Variants in MYO1B observed in about 807,000 individuals in gnomAD.
MYO1B encodes the protein myosin IB.
MYO1B carries 72 observed loss-of-function variants against 159.7 expected under a neutral mutation model. That is an observed-to-expected ratio of 0.45 (90% CI 0.37 to 0.55). MYO1B has a LOEUF of 0.55. Among genes scored for constraint, MYO1B ranks in the 20% least tolerant of loss-of-function variants. MYO1B has a pLI of 0.00. For missense variants in MYO1B, 1,062 were observed against 1,364.8 expected (o/e 0.78, Z 3.50); for synonymous variants, 468 against 473.8 (o/e 0.99, Z 0.16).
At chr2:191,302,292 A>G (rs10193129) in intron 3 of MYO1B, among the ~76,000 whole-genome samples, 13,442 of 151,912 alleles carry the variant, frequency 0.088, 1,934 homozygotes, top group African/African-American at 0.31. Flanking sequence ...TAGGTTAGAA[A>G]CTTTATCCTG....
chr2:191,383,200 A>G, intron 14 of MYO1B, 80 bp from the exon 15 acceptor site: 1 of 794,454 alleles, frequency 1.3e-6, no homozygotes, highest in Non-Finnish European at 2.0e-6. Context: ...ATATGATAAG[A>G]TGGTCAAAGT....
chr2:191,329,947 G>C lies in MYO1B; in HGVS notation c.264G>C (p.Ser88=). 1 of 1,609,816 alleles carries C rather than the reference G, an allele frequency of 6.2e-7. No individual in the cohort carries two copies. The highest frequency in any genetic ancestry group is 8.5e-7 in the Non-Finnish European group (1 of 1,177,690). ...TTATCCCCTGCAGCTTTGCCCTTTC[G>C]GATGAAGCATACAGATCCCTACGAG... The part of the protein sequence containing the change: ...YELSPHIFAL[S]DEAYRSLRDQ... The change falls in exon 4 of 31, where the codon TCG becomes TCC. Residue 88 remains serine (S), a synonymous_variant. Transcript: ENST00000392318.
chr2:191,408,188 T>C lies in MYO1B; in HGVS notation c.2630T>C (p.Ile877Thr). 6.2e-7 allele frequency: 1 copy of C among 1,608,930 alleles called. No homozygotes were observed. The highest frequency in any genetic ancestry group is 8.5e-7 in the Non-Finnish European group (1 of 1,175,472). Residue 877 changes from isoleucine to threonine, a missense_variant and splice_region_variant, in exon 25 of 31, where the codon ATT (isoleucine) becomes ACT (threonine). By Grantham distance (89) the Ile-to-Thr change is moderately conservative. Around this residue, in one of 5 missense-constraint regions of MYO1B, gnomAD observed 609 missense variants for 744.4 expected, o/e 0.82. Coordinates refer to ENST00000392318, the MANE Select transcript of MYO1B (RefSeq NM_001130158.3). ...ATCTATGAGTTTACGCTTCAGAGAA[T>C]TGTAAGTTGACACTTTATATCTGTG... ...KKIYEFTLQR[I>T]VQKYFLEMKN... is the part of the protein sequence containing the mutation.
intron 5 of MYO1B, among the ~76,000 whole-genome samples, chr2:191,344,571 C>A (rs1163484705): frequency 6.6e-6 from 1 of 152,094 alleles, no homozygotes; most frequent in African/African-American, 2.4e-5. Context: ...TGGCTCACGC[C>A]TGTAATCCCA....
chr2:191,322,311 T>C (rs1217969511), intron 3 of MYO1B, among the ~76,000 whole-genome samples: 2 of 152,156 alleles, frequency 1.3e-5, no homozygotes, highest in Admixed American at 1.3e-4. Flanking sequence ...TTCTCTCTGC[T>C]TTTATATCTT....
intron 3 of MYO1B, among the ~76,000 whole-genome samples, chr2:191,313,850 AAG>A (rs1035056671): frequency 6.6e-6 from 1 of 152,196 alleles, no homozygotes; most frequent in African/African-American, 2.4e-5. Context: ...GTGGAAGGTG[AAG>A]AGAGAGCATG....
At chr2:191,417,942 AG>A (rs1415607478) in intron 30 of MYO1B, among the ~76,000 whole-genome samples, 1 of 152,188 alleles carries the variant, frequency 6.6e-6, no homozygotes, top group African/African-American at 2.4e-5. Context: ...CTGGGCAGCA[AG>A]GGCCCTGCCC....
intron 12 of MYO1B, among the ~76,000 whole-genome samples, chr2:191,369,992 G>A (rs1694256668): frequency 6.6e-6 from 1 of 152,036 alleles, no homozygotes; most frequent in South Asian, 2.1e-4. Context: ...TGTTGGACTA[G>A]GTGATTTTGA....
At chr2:191,327,636 C>T (rs1004010468) in intron 3 of MYO1B, among the ~76,000 whole-genome samples, 1 of 152,154 alleles carries the variant, frequency 6.6e-6, no homozygotes, top group East Asian at 1.9e-4. Flanking sequence ...CAATGGTGCA[C>T]AGACTGGGGA....
intron 6 of MYO1B, among the ~76,000 whole-genome samples, chr2:191,346,526 G>A (rs1206470829): frequency 6.6e-6 from 1 of 151,992 alleles, no homozygotes; most frequent in African/African-American, 2.4e-5. Context: ...AATCCCATAA[G>A]CAATTTAAAT....
intron 3 of MYO1B, among the ~76,000 whole-genome samples, chr2:191,304,309 G>A (rs1430054496): frequency 6.6e-6 from 1 of 152,300 alleles, no homozygotes; most frequent in Middle Eastern, 3.4e-3. Flanking sequence ...GTTGGCTCAC[G>A]CCTGTAATCG....
intron 2 of MYO1B, among the ~76,000 whole-genome samples, chr2:191,283,106 T>C (rs1167386778): frequency 2.6e-5 from 4 of 152,216 alleles, no homozygotes; most frequent in Non-Finnish European, 5.9e-5. Context: ...GACAGTCATT[T>C]TTGCTAATAA....
chr2:191,423,783 G>A lies in MYO1B; in HGVS notation c.3288-54G>A, dbSNP rs533187584. 20 of 1,563,388 alleles carry A rather than the reference G, an allele frequency of 1.3e-5. No individual in the cohort carries two copies. In the South Asian group the frequency reaches 2.2e-4, roughly 17 times the overall value. On this transcript the variant is annotated intron_variant, in intron 30 of 30. Transcript: ENST00000392318. ...TTAAAATACAAAAGCAAGTGTTATT[G>A]TAATCATGAGCTGTTTTGTGTATAC...
At chr2:191,319,042 A>G (rs1224843225) in intron 3 of MYO1B, among the ~76,000 whole-genome samples, 1 of 152,110 alleles carries the variant, frequency 6.6e-6, no homozygotes, top group African/African-American at 2.4e-5. Flanking sequence ...GGCTAACTCC[A>G]GTAAGGAAGA....
chr2:191,281,495 G>A lies in MYO1B; in HGVS notation c.135+4465G>A, dbSNP rs562822530. Among the ~76,000 whole-genome samples, 7 of 152,332 alleles carry A rather than the reference G, an allele frequency of 4.6e-5. No individual in the cohort carries two copies. The East Asian group carries it at 9.6e-4, about 21-fold the overall frequency. The stretch of plus-strand genomic sequence containing the variant: ...ATGGCTGGGAAATGCTGGTCGTGAC[G>A]TTCCCGAGCACTGCTTTTCTGTTTG... On this transcript the variant is annotated intron_variant, in intron 2 of 30. Coordinates refer to ENST00000392318, the MANE Select transcript of MYO1B (RefSeq NM_001130158.3).
intron 29 of MYO1B, 128 bp from the exon 30 acceptor site, chr2:191,415,987 A>C: frequency 2.8e-6 from 3 of 1,084,690 alleles, no homozygotes; most frequent in South Asian, 1.6e-5. Flanking sequence ...ATTATTGTTT[A>C]CCTTGGGAGA....
At chr2:191,256,580 CA>C (rs1407683724) in intron 1 of MYO1B, among the ~76,000 whole-genome samples, 1 of 151,862 alleles carries the variant, frequency 6.6e-6, no homozygotes, top group East Asian at 1.9e-4. Context: ...AGAAAGATGG[CA>C]AAAAAAGAAA....
chr2:191,246,832 A>G (rs1685820450), intron 1 of MYO1B, among the ~76,000 whole-genome samples: 1 of 152,202 alleles, frequency 6.6e-6, no homozygotes, highest in African/African-American at 2.4e-5. Context: ...ACCCTTTTAC[A>G]GTCTGTCCCA....
At chr2:191,315,149 G>A (rs1444617182) in intron 3 of MYO1B, among the ~76,000 whole-genome samples, 5 of 115,008 alleles carry the variant, frequency 4.3e-5, no homozygotes, top group South Asian at 2.7e-4. Flanking sequence ...TCCTCCCACC[G>A]TCCGTCCGTC....
Sources: allele counts gnomAD v4.1 joint callset (sites outside exome capture counted in the v4.1 genomes callset), GRCh38; gene constraint gnomAD v4.1.1; regional missense constraint gnomAD v4.1.1; transcripts MANE v1.5; gene names NCBI Gene and HGNC (gene_info 2026-07-23, HGNC 2026-07-21).